Variants in PRKCE observed in about 807,000 individuals in gnomAD.
The protein encoded by PRKCE is protein kinase C epsilon.
PRKCE carries 16 observed loss-of-function variants against 85.4 expected under a neutral mutation model. The observed-to-expected ratio is 0.19, with a 90% CI of 0.13 to 0.28. PRKCE has a LOEUF of 0.28. PRKCE is among the 10% of genes least tolerant of loss of function. PRKCE has a pLI of 1.00. For missense variants in PRKCE, 573 were observed against 975.2 expected (o/e 0.59, Z 5.49); for synonymous variants, 388 against 371.5 (o/e 1.04, Z -0.51).
Position 46,007,507 on chromosome 2 carries a change from A to G in PRKCE, c.1109A>G (p.Asp370Gly), listed in dbSNP as rs1705307372. ...AACATTCGGAAAGCCTTGTCATTTG[A>G]CAACCGAGGAGAGGAGCACCGGGCA... ...ENNIRKALSFDNRGEEHRAAS... is the reference protein window; with the variant it reads ...ENNIRKALSFGNRGEEHRAAS... Residue 370 changes from aspartate to glycine, a missense_variant, in exon 9 of 15, where the codon GAC (aspartate) becomes GGC (glycine). Physicochemically the swap from Asp to Gly is moderately conservative, Grantham distance 94. Transcript: ENST00000306156. 6.3e-7 allele frequency: 1 copy of G among 1,599,808 alleles called. No homozygotes were observed. The highest frequency in any genetic ancestry group is 8.5e-7 in the Non-Finnish European group (1 of 1,179,966).
intron 2 of PRKCE, among the ~76,000 whole-genome samples, chr2:45,877,532 C>G (rs1295302720): frequency 2.0e-5 from 3 of 152,222 alleles, no homozygotes; most frequent in South Asian, 2.1e-4. Context: ...TGATATTAAA[C>G]TGTTACATCG....
intron 1 of PRKCE, among the ~76,000 whole-genome samples, chr2:45,793,338 C>T (rs1437780750): frequency 6.6e-6 from 1 of 152,164 alleles, no homozygotes; most frequent in East Asian, 1.9e-4. Flanking sequence ...TCTTCTTCTG[C>T]TCTTGTGTGT....
intron 1 of PRKCE, among the ~76,000 whole-genome samples, chr2:45,833,587 A>G (rs973496533): frequency 6.6e-6 from 1 of 152,252 alleles, no homozygotes; most frequent in African/African-American, 2.4e-5. Flanking sequence ...AGATGAGGAA[A>G]TCAAAATAAG....
chr2:45,854,804 T>C (rs1692548722), intron 2 of PRKCE, among the ~76,000 whole-genome samples: 1 of 152,180 alleles, frequency 6.6e-6, no homozygotes, highest in Admixed American at 6.5e-5. Flanking sequence ...GGTAGGTGTC[T>C]TAGAAACTTA....
Position 46,151,906 on chromosome 2 carries a change from C to G in PRKCE, c.1920+677C>G, listed in dbSNP as rs541033694. Among the ~76,000 whole-genome samples the G allele has an allele frequency of 6.2e-4, 94 of 152,058 alleles. 1 individual carries two copies. Among genetic ancestry groups the G allele is most frequent in the African/African-American group, 2.1e-3 (88 of 41,562 alleles). ...GTCAAGCAAGTGATGTTACCTGTCC[C>G]CTTTTGAAATCCGTGAAAGCTGAGG... On this transcript the variant is annotated intron_variant, in intron 13 of 14. Coordinates refer to ENST00000306156, the MANE Select transcript of PRKCE (RefSeq NM_005400.3).
At chr2:45,749,002 G>A (rs1683347098) in intron 1 of PRKCE, among the ~76,000 whole-genome samples, 1 of 151,086 alleles carries the variant, frequency 6.6e-6, no homozygotes, top group African/African-American at 2.4e-5. Flanking sequence ...CAATTCTCCT[G>A]CCTCAGCCTC....
chr2:45,858,024 G>C (rs1254330296), intron 2 of PRKCE, among the ~76,000 whole-genome samples: 1 of 152,242 alleles, frequency 6.6e-6, no homozygotes. Context: ...CGTGTGGCCT[G>C]TGTGCTGTTT....
chr2:45,708,705 G>C (rs1342150213), intron 1 of PRKCE, among the ~76,000 whole-genome samples: 4 of 152,230 alleles, frequency 2.6e-5, no homozygotes, highest in African/African-American at 9.6e-5. Flanking sequence ...GTATGGCCAG[G>C]TGTGGTCCTG....
chr2:45,916,538 A>G (rs1417169715), intron 2 of PRKCE, among the ~76,000 whole-genome samples: 1 of 152,132 alleles, frequency 6.6e-6, no homozygotes, highest in African/African-American at 2.4e-5. Flanking sequence ...GAGCCATTGC[A>G]CCCAATGAAA....
intron 14 of PRKCE, among the ~76,000 whole-genome samples, chr2:46,180,951 C>T (rs957554942): frequency 4.6e-5 from 7 of 152,110 alleles, no homozygotes; most frequent in East Asian, 3.9e-4. Context: ...AAGGGACTGG[C>T]GAGTTAGAAT....
intron 1 of PRKCE, among the ~76,000 whole-genome samples, chr2:45,720,912 G>C (rs1166930969): frequency 6.6e-6 from 1 of 151,994 alleles, no homozygotes; most frequent in African/African-American, 2.4e-5. Context: ...TTCGAGACCA[G>C]CCTGGCCAAT....
At chr2:45,951,508 G>C (rs1037532994) in intron 2 of PRKCE, among the ~76,000 whole-genome samples, 1 of 152,218 alleles carries the variant, frequency 6.6e-6, no homozygotes, top group Admixed American at 6.5e-5. Context: ...GGCCCAGAAA[G>C]ACAGCCCTTT....
intron 11 of PRKCE, among the ~76,000 whole-genome samples, chr2:46,115,932 A>T (rs1227465257): frequency 6.6e-6 from 1 of 152,172 alleles, no homozygotes; most frequent in African/African-American, 2.4e-5. Flanking sequence ...CCTTACTTTT[A>T]GATGCCTGTG....
chr2:45,706,624 C>T (rs1476549192), intron 1 of PRKCE, among the ~76,000 whole-genome samples: 4 of 152,332 alleles, frequency 2.6e-5, no homozygotes, highest in East Asian at 1.9e-4. Context: ...TCTGGCATCA[C>T]ATCCCAGCAG....
chr2:45,997,705 C>G (rs949637447), intron 6 of PRKCE, among the ~76,000 whole-genome samples: 2 of 152,062 alleles, frequency 1.3e-5, no homozygotes, highest in Non-Finnish European at 2.9e-5. Context: ...CGCCACCACA[C>G]CTGGCTAATT....
chr2:46,157,309 C>A (rs1192956667), intron 13 of PRKCE, among the ~76,000 whole-genome samples: 1 of 152,196 alleles, frequency 6.6e-6, no homozygotes, highest in Non-Finnish European at 1.5e-5. Flanking sequence ...CAGCCCATCA[C>A]ACCTCCCTGT....
chr2:45,920,426 A>C (rs1263986091), intron 2 of PRKCE, among the ~76,000 whole-genome samples: 1 of 152,270 alleles, frequency 6.6e-6, no homozygotes, highest in East Asian at 1.9e-4. Context: ...TGATCCCAAT[A>C]GGAATGAAAA....
chr2:46,160,224 G>C (rs906673066), intron 14 of PRKCE, among the ~76,000 whole-genome samples: 2 of 152,158 alleles, frequency 1.3e-5, no homozygotes, highest in Admixed American at 1.3e-4. Flanking sequence ...GGATGGTGCT[G>C]GGGGGAGCTT....
At chr2:45,735,695 A>T (rs537842471) in intron 1 of PRKCE, among the ~76,000 whole-genome samples, 1 of 152,204 alleles carries the variant, frequency 6.6e-6, no homozygotes, top group Non-Finnish European at 1.5e-5. Context: ...AAGAGAAAAT[A>T]ACTCTTAGAA....
Sources: gnomAD v4.1 joint callset for allele counts (sites outside exome capture counted in the v4.1 genomes callset) on GRCh38, gnomAD v4.1.1 for gene constraint, MANE v1.5 for transcripts, NCBI Gene and HGNC (gene_info 2026-07-23, HGNC 2026-07-21) for gene names.